The following SRRM3 variants were observed in gnomAD, a reference collection of about 807,000 sequenced individuals.
SRRM3 encodes the protein serine/arginine repetitive matrix protein 3.
A neutral mutation model predicts 66.2 loss-of-function variants in SRRM3; 27 were observed. The observed-to-expected ratio is 0.41, with a 90% confidence interval of 0.30 to 0.56. The LOEUF (loss-of-function observed/expected upper bound fraction) is 0.56, where lower values mean the gene tolerates loss of function less well. Ranked by LOEUF, SRRM3 falls within the 20% of genes least tolerant of loss-of-function variation. The pLI, the probability that SRRM3 is intolerant of heterozygous loss-of-function variation, is 0.32. For synonymous variants in SRRM3, 391 were observed against 414.9 expected (o/e 0.94, Z 0.70); for missense variants, 918 against 991.9 (o/e 0.93, Z 1.00).
At chr7:76,234,066 TC>T (rs1554604493) in intron 1 of SRRM3, among the ~76,000 whole-genome samples, 1 of 151,396 alleles carries the variant, frequency 6.6e-6, no homozygotes, top group African/African-American at 2.4e-5. Context: ...CTCCTTCCTT[TC>T]CCTCCCTCCC....
At position 76,211,794 on chromosome 7, in the gene SRRM3, T is replaced by TTTATTA. The variant is rs1244301303; in HGVS notation, c.-40+9734_-40+9739dup. The stretch of plus-strand genomic sequence containing the variant: ...CCAAATCTGAGTGTGGGGCCTGAAT[T>TTTATTA]TTATTATTATTACTATTACTACTAT... On this transcript the variant is annotated intron_variant, in intron 1 of 14. Coordinates refer to ENST00000611745, the MANE Select transcript of SRRM3 (RefSeq NM_001110199.3). Among the ~76,000 whole-genome samples the TTTATTA allele has an allele frequency of 6.1e-5, 9 of 147,858 alleles. No individual in the cohort carries two copies. The East Asian group carries it at 1.8e-3, about 29-fold the overall frequency.
intron 14 of SRRM3, 54 bp downstream of exon 14, chr7:76,283,155 AT>A (rs1403357887): frequency 7.4e-7 from 1 of 1,352,582 alleles, no homozygotes; most frequent in Non-Finnish European, 9.5e-7. Flanking sequence ...GCTGACCCGG[AT>A]CAGGGACAGA....
intron 11 of SRRM3, among the ~76,000 whole-genome samples, chr7:76,270,744 G>A (rs1554610440): frequency 6.6e-6 from 1 of 151,912 alleles, no homozygotes; most frequent in Non-Finnish European, 1.5e-5. Context: ...AACCTGGGAG[G>A]CAGAGGTTGC....
chr7:76,216,853 G>A (rs1477468064), intron 1 of SRRM3, among the ~76,000 whole-genome samples: 1 of 152,224 alleles, frequency 6.6e-6, no homozygotes, highest in Non-Finnish European at 1.5e-5. Context: ...AGGCGCATCT[G>A]GATCGATGGG....
intron 14 of SRRM3, 102 bp downstream of exon 14, chr7:76,283,203 A>C: frequency 1.8e-6 from 2 of 1,101,128 alleles, no homozygotes; most frequent in South Asian, 2.3e-5. Context: ...GGATCCACTG[A>C]ACCTGGCACG....
intron 12 of SRRM3, among the ~76,000 whole-genome samples, chr7:76,282,088 A>ACACAG (rs1554612003): frequency 8.0e-6 from 1 of 125,754 alleles, no homozygotes; most frequent in African/African-American, 3.1e-5. Flanking sequence ...GGATCCTCCC[A>ACACAG]TGGATTTCCT....
chr7:76,259,359 G>A (rs374512414), intron 3 of SRRM3, among the ~76,000 whole-genome samples: 34 of 151,976 alleles, frequency 2.2e-4, no homozygotes, highest in Non-Finnish European at 3.8e-4. Flanking sequence ...CGGGAGGATC[G>A]CTTGAGGCCA....
intron 3 of SRRM3, 35 bp from the exon 4 acceptor site, chr7:76,259,871 C>T: frequency 6.3e-7 from 1 of 1,599,264 alleles, no homozygotes; most frequent in East Asian, 2.2e-5. Context: ...AAAAGTCGTC[C>T]CGAGACTGGT....
At chr7:76,273,175 TTGTC>T (rs1269012754) in intron 11 of SRRM3, 2 of 152,364 alleles carry the variant, frequency 1.3e-5, no homozygotes, top group East Asian at 3.8e-4. Flanking sequence ...CTGCCTGACT[TTGTC>T]TGTTCGTCTG....
At chr7:76,267,477 C>G (rs1802098877) in intron 11 of SRRM3, 42 bp downstream of exon 11, 1 of 1,200,434 alleles carries the variant, frequency 8.3e-7, no homozygotes, top group East Asian at 5.0e-5. Flanking sequence ...GCGCCGCGGG[C>G]TGCGCCGTGC....
chr7:76,281,921 A>T, intron 12 of SRRM3, 119 bp downstream of exon 12: 1 of 727,566 alleles, frequency 1.4e-6, no homozygotes, highest in Middle Eastern at 6.1e-4. Context: ...CAGGGATCCC[A>T]ACCCCCTCCC....
intron 1 of SRRM3, among the ~76,000 whole-genome samples, chr7:76,221,893 A>G (rs555650971): frequency 5.3e-5 from 8 of 152,222 alleles, no homozygotes; most frequent in Non-Finnish European, 8.8e-5. Context: ...CACTTAATGC[A>G]TAGAGCTTAT....
At chr7:76,256,430 C>G (rs1801714085) in intron 3 of SRRM3, among the ~76,000 whole-genome samples, 1 of 151,704 alleles carries the variant, frequency 6.6e-6, no homozygotes, top group Non-Finnish European at 1.5e-5. Context: ...TCGCTTGAAC[C>G]CTGGAGGCGG....
chr7:76,204,237 G>A (rs1232724915), intron 1 of SRRM3, among the ~76,000 whole-genome samples: 2 of 151,970 alleles, frequency 1.3e-5, no homozygotes, highest in Non-Finnish European at 2.9e-5. Flanking sequence ...ATATTTTATT[G>A]TCCCCCAGGG....
At chr7:76,217,480 T>C (rs116797327) in intron 1 of SRRM3, among the ~76,000 whole-genome samples, 2,386 of 152,226 alleles carry the variant, frequency 0.016, 64 homozygotes, top group African/African-American at 0.054. Context: ...AGACTGAGTT[T>C]CCCCATATTG....
intron 1 of SRRM3, among the ~76,000 whole-genome samples, chr7:76,233,960 G>C (rs1303788913): frequency 6.6e-6 from 1 of 152,046 alleles, no homozygotes; most frequent in African/African-American, 2.4e-5. Context: ...ATCACTCTGA[G>C]GCCAGAGAGG....
intron 11 of SRRM3, among the ~76,000 whole-genome samples, chr7:76,272,639 G>A (rs1280914998): frequency 2.6e-5 from 4 of 151,948 alleles, no homozygotes; most frequent in South Asian, 2.1e-4. Context: ...GTGACAGAGC[G>A]AGACTCCATC....
chr7:76,281,622 G>T lies in SRRM3; in HGVS notation c.1190G>T (p.Arg397Leu). 1.0e-6 allele frequency: 1 copy of T among 973,736 alleles called. No homozygotes were observed. The highest frequency in any genetic ancestry group is 4.6e-5 in the South Asian group (1 of 21,754). 60.3% of individuals were successfully genotyped at this position (973,736 alleles called of 1,614,324 possible). The change falls in exon 12 of 15, where the codon CGG becomes CTG. Residue 397 changes from arginine (R) to leucine (L), a missense_variant. Arg to Leu is a moderately radical substitution (Grantham distance 102). Coordinates refer to ENST00000611745, the MANE Select transcript of SRRM3 (RefSeq NM_001110199.3). ...RRRRRRRRRSRSSASAPRRRG... is the reference protein window; with the variant it reads ...RRRRRRRRRSLSSASAPRRRG... ...CGGCGGCGTAGGCGGCGGCGCTCGCGGTCCTCGGCGTCCGCGCCCCGCCGC... is the reference window on the plus strand; with the variant it reads ...CGGCGGCGTAGGCGGCGGCGCTCGCTGTCCTCGGCGTCCGCGCCCCGCCGC...
At position 76,224,077 on chromosome 7, in the gene SRRM3, C is replaced by CTT. The variant is rs782746897; in HGVS notation, c.-39-10931_-39-10930dup. On this transcript the variant is annotated intron_variant, in intron 1 of 14. Coordinates refer to ENST00000611745, the MANE Select transcript of SRRM3 (RefSeq NM_001110199.3). ...CCCTCTCCCTTCTCTTCCCTTCCCT[C>CTT]TTTTTTTTTTTTTTTTTTTTTGAGA... Among the ~76,000 whole-genome samples, 64 of 60,942 alleles carry CTT rather than the reference C, an allele frequency of 1.1e-3. 4 individuals carry two copies. Among genetic ancestry groups the CTT allele is most frequent in the African/African-American group, 1.5e-3 (21 of 13,636 alleles). The allele number at this position is 60,942 out of a possible 152,430, so 40.0% of individuals were successfully genotyped here. A position where few individuals can be genotyped will look rare whatever the true frequency, so the allele number is the denominator to read the frequency against.
Sources: gnomAD v4.1 joint callset for allele counts (sites outside exome capture counted in the v4.1 genomes callset) on GRCh38, gnomAD v4.1.1 for gene constraint, MANE v1.5 for transcripts, NCBI Gene and HGNC (gene_info 2026-07-23, HGNC 2026-07-21) for gene names.